ARAP1: variants seen among roughly 807,000 people sequenced by gnomAD.
The protein encoded by ARAP1 is arf-GAP with Rho-GAP domain, ANK repeat and PH domain-containing protein 1.
A neutral mutation model predicts 172.2 loss-of-function variants in ARAP1; 76 were observed. That is an observed-to-expected ratio of 0.44 (90% CI 0.37 to 0.53). The LOEUF (loss-of-function observed/expected upper bound fraction) is 0.53, where lower values mean the gene tolerates loss of function less well. Ranked by LOEUF, ARAP1 falls within the 20% of genes least tolerant of loss-of-function variation. The pLI, the probability that ARAP1 is intolerant of heterozygous loss-of-function variation, is 0.00. For missense variants in ARAP1, 1,686 were observed against 1,977.5 expected, an observed-to-expected ratio of 0.85 and a Z score of 2.80; for synonymous variants, 804 against 803.3, an observed-to-expected ratio of 1.00 and a Z score of -0.01.
Position 72,711,480 on chromosome 11 carries a change from G to A in ARAP1, c.1042C>T (p.Arg348Ter), listed in dbSNP as rs553411221. ...PPQGSYIYQK[R>*]WVRLDTDHLR... ...TGATCAGTATCCAGTCTCACCCATCGTTTCTGATAGATGTAAGATCTGGAG... is the reference window on the plus strand; with the variant it reads ...TGATCAGTATCCAGTCTCACCCATCATTTCTGATAGATGTAAGATCTGGAG... The change falls in exon 8 of 35, where the codon CGA becomes TGA. Residue 348 changes from arginine to a stop codon, truncating the protein, a stop_gained. Coordinates refer to ENST00000393609, the MANE Select transcript of ARAP1 (RefSeq NM_001040118.3). LOFTEE classifies it high-confidence loss of function. 6.8e-6 allele frequency: 11 copies of A among 1,612,736 alleles called. No homozygotes were observed. Among genetic ancestry groups the A allele is most frequent in the South Asian group, 1.1e-5 (1 of 91,056 alleles).
At chr11:72,687,388 A>T (rs779581475) in intron 33 of ARAP1, 51 bp downstream of exon 33, 4 of 1,608,300 alleles carry the variant, frequency 2.5e-6, no homozygotes, top group Admixed American at 3.3e-5. Flanking sequence ...CATTCTCCAT[A>T]ATGGAAGCCT....
intron 4 of ARAP1, among the ~76,000 whole-genome samples, 197 bp downstream of exon 4, chr11:72,713,955 G>A (rs1456228370): frequency 1.3e-5 from 2 of 152,180 alleles, no homozygotes; most frequent in Admixed American, 6.5e-5. Context: ...CAGGAGGCCA[G>A]AGAGGTGGGT....
rs577401547 is a variant in ARAP1, at chr11:72,731,489, T to C, written c.-45+1026A>G. Among the ~76,000 whole-genome samples the C allele has an allele frequency of 3.6e-4, 55 of 152,336 alleles. 1 individual carries two copies. Among genetic ancestry groups the C allele is most frequent in the African/African-American group, 1.3e-3 (54 of 41,584 alleles). On this transcript the variant is annotated intron_variant, in intron 2 of 34. Coordinates refer to ENST00000393609, the MANE Select transcript of ARAP1 (RefSeq NM_001040118.3). ...ACATGCCTGCTCCCGCTTTGCCTTC[T>C]GCCCTGACTAAAAGCTTCCTGAGGC...
chr11:72,713,969 G>A (rs1857160692), intron 4 of ARAP1, among the ~76,000 whole-genome samples, 183 bp downstream of exon 4: 1 of 152,222 alleles, frequency 6.6e-6, no homozygotes, highest in Non-Finnish European at 1.5e-5. Flanking sequence ...GGTGGGTGCT[G>A]TCTCCATTGT....
chr11:72,739,739 A>C (rs1170722779), intron 1 of ARAP1, among the ~76,000 whole-genome samples: 1 of 152,198 alleles, frequency 6.6e-6, no homozygotes, highest in Non-Finnish European at 1.5e-5. Context: ...GCCGTCAGGC[A>C]GTCACTTCCT....
chr11:72,706,198 C>T (rs1856753538), intron 12 of ARAP1, among the ~76,000 whole-genome samples: 1 of 152,164 alleles, frequency 6.6e-6, no homozygotes, highest in Non-Finnish European at 1.5e-5. Flanking sequence ...AAATGTAAAT[C>T]CCTGACTTCT....
chr11:72,745,429 C>T (rs1359632137), intron 1 of ARAP1, among the ~76,000 whole-genome samples: 7 of 140,894 alleles, frequency 5.0e-5, no homozygotes, highest in Non-Finnish European at 1.1e-4. Flanking sequence ...TGGTCTTGAT[C>T]TCCTGACCTT....
chr11:72,715,603 C>T (rs1458087412), intron 3 of ARAP1, among the ~76,000 whole-genome samples: 1 of 145,936 alleles, frequency 6.9e-6, no homozygotes, highest in Non-Finnish European at 1.5e-5. Flanking sequence ...GACTGGGTCT[C>T]ACTCTGTGGC....
In ARAP1 at chr11:72,693,647, A is replaced by G. The variant is rs527974896; in HGVS notation, c.3808+45T>C. Reference sequence around the variant, plus strand: ...CACCAGGTCCCACCCTGGCTCTGGAAGAGAGGACCACCCGGAGCCTGGCCA... The same window carrying G: ...CACCAGGTCCCACCCTGGCTCTGGAGGAGAGGACCACCCGGAGCCTGGCCA... On this transcript the variant is annotated intron_variant, in intron 28 of 34. Coordinates refer to ENST00000393609, the MANE Select transcript of ARAP1 (RefSeq NM_001040118.3). The surrounding 1 kb of genome is among the most constrained non-coding windows in gnomAD (Gnocchi z 4.6). The G allele has an allele frequency of 3.9e-6, 6 of 1,555,984 alleles. No individual in the cohort carries two copies. The highest frequency in any genetic ancestry group is 1.9e-5 in the Admixed American group (1 of 52,954).
At chr11:72,698,977 T>C in intron 18 of ARAP1, 28 bp downstream of exon 18, 1 of 1,611,856 alleles carries the variant, frequency 6.2e-7, no homozygotes, top group Non-Finnish European at 8.5e-7. Flanking sequence ...CAGACACCCT[T>C]ACACCCACCC....
At chr11:72,706,009 G>A in intron 12 of ARAP1, 119 bp from the exon 13 acceptor site, 2 of 924,898 alleles carry the variant, frequency 2.2e-6, no homozygotes, top group African/African-American at 1.7e-5. Context: ...GCCCCAGGGG[G>A]TAGGCCTGCT....
intron 13 of ARAP1, 164 bp from the exon 14 acceptor site, chr11:72,704,498 G>GA: frequency 4.0e-6 from 3 of 741,080 alleles, no homozygotes; most frequent in Non-Finnish European, 4.2e-6. Context: ...CTGGTGGCTG[G>GA]GGATGCTCCT....
intron 2 of ARAP1, among the ~76,000 whole-genome samples, chr11:72,732,132 G>C (rs72964185): frequency 6.6e-6 from 1 of 152,008 alleles, no homozygotes; most frequent in Non-Finnish European, 1.5e-5. Flanking sequence ...TTTAAATTTT[G>C]TATCATTTTC....
intron 1 of ARAP1, among the ~76,000 whole-genome samples, chr11:72,736,028 G>A (rs1034297512): frequency 5.3e-5 from 8 of 152,166 alleles, no homozygotes; most frequent in Non-Finnish European, 1.2e-4. Context: ...AAGAAGTTCA[G>A]AGCAGTGCCC....
At chr11:72,704,411 G>A in intron 13 of ARAP1, 77 bp from the exon 14 acceptor site, 1 of 1,430,840 alleles carries the variant, frequency 7.0e-7, no homozygotes, top group Non-Finnish European at 9.2e-7. Flanking sequence ...GGTTTCTGAG[G>A]TTGTTAGGAA....
chr11:72,697,185 G>T lies in ARAP1; in HGVS notation c.2964C>A (p.Ser988=). ...GCCCACACTTGCGGTAGATGCCCTC[G>T]GAGGTCAGGCCTAGGGAGGGGCGGG... ...VDYITQCGLT[S]EGIYRKCGQT... The change falls in exon 22 of 35, where the codon TCC becomes TCA. Residue 988 remains serine, a synonymous_variant. Transcript: ENST00000393609. 1 of 1,602,390 alleles carries T rather than the reference G, an allele frequency of 6.2e-7. No homozygotes were observed.
At chr11:72,702,030 C>A (rs545040717) in intron 15 of ARAP1, among the ~76,000 whole-genome samples, 2 of 152,372 alleles carry the variant, frequency 1.3e-5, no homozygotes, top group East Asian at 3.9e-4. Context: ...TCCAGGAAGC[C>A]TCCCTGATTC....
intron 3 of ARAP1, among the ~76,000 whole-genome samples, chr11:72,718,645 T>C (rs1261426406): frequency 6.6e-6 from 1 of 152,088 alleles, no homozygotes; most frequent in Non-Finnish European, 1.5e-5. Context: ...CCCACCTGCT[T>C]ACCCACTATT....
chr11:72,724,285 C>A (rs2135569097), intron 3 of ARAP1, among the ~76,000 whole-genome samples: 1 of 152,296 alleles, frequency 6.6e-6, no homozygotes, highest in East Asian at 1.9e-4. Context: ...GCATCCACCC[C>A]CAAGCTCCAC....
Sources: allele counts gnomAD v4.1 joint callset (sites outside exome capture counted in the v4.1 genomes callset), GRCh38; gene constraint gnomAD v4.1.1; non-coding constraint Gnocchi (gnomAD v3.1); transcripts MANE v1.5; gene names NCBI Gene and HGNC (gene_info 2026-07-23, HGNC 2026-07-21).